The following WDPCP variants were observed in gnomAD, a reference collection of about 807,000 sequenced individuals.
WDPCP encodes WD repeat-containing and planar cell polarity effector protein fritz homolog.
WDPCP carries 71 observed loss-of-function variants against 93.1 expected under a neutral mutation model. The ratio of observed to expected loss-of-function variants is 0.76; its 90% CI spans 0.63 to 0.93. WDPCP has a LOEUF of 0.93. WDPCP is among the 40% of genes least tolerant of loss of function. The pLI is 0.00. For synonymous variants in WDPCP, 315 were observed against 315.0 expected (o/e 1.00, Z 0.00); for missense variants, 844 against 887.4 (o/e 0.95, Z 0.62).
chr2:63,503,596 T>C (rs969319547), intron 1 of WDPCP, among the ~76,000 whole-genome samples: 2 of 152,256 alleles, frequency 1.3e-5, no homozygotes, highest in South Asian at 4.1e-4. Flanking sequence ...CTTTTTAGGA[T>C]GTACCTCAAC....
chr2:63,465,755 C>T (rs1699307555), intron 6 of WDPCP, among the ~76,000 whole-genome samples: 1 of 152,102 alleles, frequency 6.6e-6, no homozygotes, highest in Non-Finnish European at 1.5e-5. Flanking sequence ...ACATCCTCAC[C>T]CTAATTCCTG....
At chr2:63,386,598 A>G (rs1466513658) in intron 10 of WDPCP, among the ~76,000 whole-genome samples, 1 of 152,144 alleles carries the variant, frequency 6.6e-6, no homozygotes, top group Non-Finnish European at 1.5e-5. Context: ...GATATGCTAA[A>G]TGACACAATC....
At chr2:63,623,461 G>A (rs988012427) in intron 3 of WDPCP, among the ~76,000 whole-genome samples, 12 of 151,596 alleles carry the variant, frequency 7.9e-5, no homozygotes, top group South Asian at 2.1e-4. Context: ...GACACATACA[G>A]GCTCAAAATA....
intron 2 of WDPCP, among the ~76,000 whole-genome samples, chr2:63,710,711 A>C (rs569251703): frequency 4.9e-4 from 74 of 152,366 alleles, no homozygotes; most frequent in African/African-American, 1.8e-3. Context: ...TGTTGGGGCC[A>C]AGGAGCACCT....
chr2:63,830,422 A>T (rs1175860447), upstream of WDPCP, among the ~76,000 whole-genome samples: 1 of 152,158 alleles, frequency 6.6e-6, no homozygotes, highest in Non-Finnish European at 1.5e-5. Flanking sequence ...AGGTGAGAAT[A>T]TCTTTAATTT....
intron 10 of WDPCP, among the ~76,000 whole-genome samples, chr2:63,386,954 C>T (rs1692782056): frequency 6.6e-6 from 1 of 152,056 alleles, no homozygotes; most frequent in Non-Finnish European, 1.5e-5. Flanking sequence ...AACTGAATCC[C>T]TGAACAGACC....
intron 1 of WDPCP, among the ~76,000 whole-genome samples, chr2:63,563,725 G>A (rs989559178): frequency 6.6e-6 from 1 of 151,984 alleles, no homozygotes; most frequent in Non-Finnish European, 1.5e-5. Context: ...CAAAAGGACT[G>A]TGGCCTTAAA....
chr2:63,165,474 A>G (rs1034029854), intron 15 of WDPCP, among the ~76,000 whole-genome samples: 3 of 152,034 alleles, frequency 2.0e-5, no homozygotes, highest in Non-Finnish European at 4.4e-5. Context: ...TTTCTGTGGA[A>G]AAGTTTTTCT....
intron 2 of WDPCP, among the ~76,000 whole-genome samples, chr2:63,731,652 C>A (rs951634249): frequency 6.6e-6 from 1 of 152,120 alleles, no homozygotes; most frequent in African/African-American, 2.4e-5. Flanking sequence ...TCGTATTTAA[C>A]AAATTTTTGC....
chr2:63,636,950 C>G (rs1230192433), intron 3 of WDPCP, among the ~76,000 whole-genome samples: 2 of 152,180 alleles, frequency 1.3e-5, no homozygotes, highest in Non-Finnish European at 2.9e-5. Context: ...AAGTGTAAAA[C>G]TCGAAATTGT....
At chr2:63,348,136 T>G (rs928515066) in intron 12 of WDPCP, among the ~76,000 whole-genome samples, 1 of 152,170 alleles carries the variant, frequency 6.6e-6, no homozygotes, top group South Asian at 2.1e-4. Flanking sequence ...TATTTATTAT[T>G]TATAATCTTG....
Position 63,412,725 on chromosome 2 carries a change from C to T in WDPCP, c.826-8068G>A, listed in dbSNP as rs372058280. ...ATGTACACAAATCAGTAGTTCTATA[C>T]AACAGCATCCAAGCAGAGAATCAAA... is the stretch of plus-strand genomic sequence containing the variant. On this transcript the variant is annotated intron_variant, in intron 9 of 17. Transcript: ENST00000272321. Among the ~76,000 whole-genome samples, 56 of 151,630 alleles carry T rather than the reference C, an allele frequency of 3.7e-4. No individual in the cohort carries two copies. In the East Asian group the frequency reaches 9.9e-3, roughly 27 times the overall value.
intron 17 of WDPCP, among the ~76,000 whole-genome samples, chr2:63,131,535 T>C (rs1397433673): frequency 6.6e-6 from 1 of 152,194 alleles, no homozygotes; most frequent in African/African-American, 2.4e-5. Context: ...TTAACTTAGA[T>C]TTATAGATTT....
chr2:63,143,979 T>G (rs935273499), intron 17 of WDPCP, among the ~76,000 whole-genome samples: 1 of 152,232 alleles, frequency 6.6e-6, no homozygotes. Flanking sequence ...TATTTGGATG[T>G]CTAGGTCTCT....
chr2:63,589,505 C>T, upstream of WDPCP: 1 of 909,448 alleles, frequency 1.1e-6, no homozygotes, highest in Admixed American at 2.1e-5. Context: ...GTAGTATTTA[C>T]CAGGTGCTCC....
chr2:63,307,505 G>A (rs1250124448), intron 13 of WDPCP, among the ~76,000 whole-genome samples: 3 of 152,250 alleles, frequency 2.0e-5, no homozygotes, highest in East Asian at 1.9e-4. Context: ...CAAGTCTACG[G>A]TAAACAAAAC....
At chr2:63,374,751 A>G (rs550446720) in intron 12 of WDPCP, among the ~76,000 whole-genome samples, 5 of 152,288 alleles carry the variant, frequency 3.3e-5, no homozygotes, top group South Asian at 2.1e-4. Context: ...AATTTCCAAC[A>G]TAGAGCAAAG....
At chr2:63,344,383 T>C (rs1425288854) in intron 12 of WDPCP, among the ~76,000 whole-genome samples, 1 of 152,182 alleles carries the variant, frequency 6.6e-6, no homozygotes, top group Non-Finnish European at 1.5e-5. Flanking sequence ...TCCTTCACTG[T>C]TTAGCCAGGC....
intron 12 of WDPCP, among the ~76,000 whole-genome samples, chr2:63,370,212 T>C (rs894728237): frequency 6.6e-6 from 1 of 152,192 alleles, no homozygotes; most frequent in African/African-American, 2.4e-5. Context: ...CTTATACCCA[T>C]GGTATTCCTT....
Sources: allele counts gnomAD v4.1 joint callset (sites outside exome capture counted in the v4.1 genomes callset), GRCh38; gene constraint gnomAD v4.1.1; transcripts MANE v1.5; gene names NCBI Gene and HGNC (gene_info 2026-07-23, HGNC 2026-07-21).